The following KPNA4 variants were observed in gnomAD, a reference collection of about 807,000 sequenced individuals.
The protein encoded by KPNA4 is importin subunit alpha-3.
A neutral mutation model predicts 71.3 loss-of-function variants in KPNA4; 13 were observed. The ratio of observed to expected loss-of-function variants is 0.18; its 90% CI spans 0.12 to 0.29. The LOEUF (loss-of-function observed/expected upper bound fraction) is 0.29, where lower values mean the gene tolerates loss of function less well. Among genes scored for constraint, KPNA4 ranks in the 10% least tolerant of loss-of-function variants. KPNA4 has a pLI of 1.00. For synonymous variants in KPNA4, 189 were observed against 195.2 expected (o/e 0.97, Z 0.26); for missense variants, 334 against 603.2 (o/e 0.55, Z 4.67).
chr3:160,548,136 C>T (rs1721961487), intron 1 of KPNA4, among the ~76,000 whole-genome samples: 1 of 152,102 alleles, frequency 6.6e-6, no homozygotes, highest in South Asian at 2.1e-4. Context: ...TTTGCCTTCC[C>T]AACCAACAAT....
intron 11 of KPNA4, among the ~76,000 whole-genome samples, chr3:160,520,549 C>T (rs74285275): frequency 0.023 from 3,464 of 152,148 alleles, 74 homozygotes; most frequent in East Asian, 0.084. Flanking sequence ...GCGTGAGCCA[C>T]CATGTCCAGC....
intron 1 of KPNA4, among the ~76,000 whole-genome samples, chr3:160,548,214 T>G (rs1206475303): frequency 1.3e-5 from 2 of 152,206 alleles, no homozygotes; most frequent in Non-Finnish European, 2.9e-5. Context: ...GGGTTTTTTT[T>G]TGTTGTTGTT....
At chr3:160,508,789 G>C (rs1032534300) in intron 14 of KPNA4, among the ~76,000 whole-genome samples, 1 of 151,936 alleles carries the variant, frequency 6.6e-6, no homozygotes, top group Non-Finnish European at 1.5e-5. Flanking sequence ...CAAAATGCTA[G>C]GATTACATGC....
At chr3:160,507,475 G>C (rs1391850494) in intron 15 of KPNA4, among the ~76,000 whole-genome samples, 4 of 148,306 alleles carry the variant, frequency 2.7e-5, no homozygotes, top group Non-Finnish European at 5.9e-5. Context: ...ACTCCAGCCT[G>C]GGCAACAGAG....
chr3:160,519,968 A>AT (rs1721312644), intron 11 of KPNA4, among the ~76,000 whole-genome samples: 2 of 152,164 alleles, frequency 1.3e-5, no homozygotes, highest in Admixed American at 1.3e-4. Flanking sequence ...TTATGGCATG[A>AT]AAGTTGAAAA....
chr3:160,517,090 A>C (rs1577049711), intron 11 of KPNA4, among the ~76,000 whole-genome samples: 1 of 151,970 alleles, frequency 6.6e-6, no homozygotes, highest in African/African-American at 2.4e-5. Flanking sequence ...TGATCACCCC[A>C]AAAAGAACAC....
chr3:160,517,455 T>C (rs1051138102), intron 11 of KPNA4, among the ~76,000 whole-genome samples: 1 of 152,128 alleles, frequency 6.6e-6, no homozygotes, highest in Admixed American at 6.5e-5. Context: ...ATATGCATTT[T>C]CATTTCTCTT....
At chr3:160,552,974 T>C (rs934964969) in intron 1 of KPNA4, among the ~76,000 whole-genome samples, 1 of 151,922 alleles carries the variant, frequency 6.6e-6, no homozygotes, top group Non-Finnish European at 1.5e-5. Flanking sequence ...GAGGTGAGAA[T>C]TGATTTACTT....
intron 1 of KPNA4, among the ~76,000 whole-genome samples, chr3:160,562,794 A>T (rs1354217252): frequency 6.6e-6 from 1 of 152,192 alleles, no homozygotes; most frequent in Non-Finnish European, 1.5e-5. Context: ...TTCTAAACAA[A>T]ACAAAACAAA....
At position 160,515,396 on chromosome 3, in the gene KPNA4, T is replaced by C. The variant is rs1448741351; in HGVS notation, c.1032+56A>G. ...ATTTCTAAGACTCTAATTTTACAAA[T>C]AGAAACTGTTAACATTTTAAGTGCT... On this transcript the variant is annotated intron_variant, in intron 12 of 16. Coordinates refer to ENST00000334256, the MANE Select transcript of KPNA4 (RefSeq NM_002268.5). The C allele has an allele frequency of 4.9e-6, 7 of 1,430,886 alleles. No homozygotes were observed. The Admixed American group carries it at 6.2e-5, about 13-fold the overall frequency. The allele number at this position is 1,430,886 out of a possible 1,614,324, so 88.6% of individuals were successfully genotyped here.
intron 1 of KPNA4, among the ~76,000 whole-genome samples, chr3:160,563,971 A>G (rs1722291843): frequency 6.8e-6 from 1 of 147,312 alleles, no homozygotes; most frequent in South Asian, 2.1e-4. Flanking sequence ...AAAAGCCCAA[A>G]AAATATCTCA....
intron 11 of KPNA4, among the ~76,000 whole-genome samples, chr3:160,520,897 C>G (rs1721334874): frequency 6.6e-6 from 1 of 152,178 alleles, no homozygotes; most frequent in South Asian, 2.1e-4. Flanking sequence ...GAGCTTGCTG[C>G]GTCTCCCCCA....
Position 160,496,943 on chromosome 3 carries a change from T to A in KPNA4, c.*5161A>T, listed in dbSNP as rs1254190113. 1 of 152,216 alleles carries A rather than the reference T, an allele frequency of 6.6e-6. No individual in the cohort carries two copies. Among genetic ancestry groups the A allele is most frequent in the African/African-American group, 2.4e-5 (1 of 41,454 alleles). 9.4% of individuals were successfully genotyped at this position (152,216 alleles called of 1,614,324 possible). On this transcript the variant is annotated 3_prime_UTR_variant, in exon 17 of 17. Transcript: ENST00000334256. The stretch of plus-strand genomic sequence containing the variant: ...AAGGGCCTGGATTTAAAAGGAATTT[T>A]CAAGATTATTGTTAACTTCTGGGTT...
chr3:160,496,511 T>A lies in KPNA4; in HGVS notation c.*5593A>T, dbSNP rs920692471. 1.3e-5 allele frequency: 2 copies of A among 152,292 alleles called. No homozygotes were observed. Among genetic ancestry groups the A allele is most frequent in the Admixed American group, 6.5e-5 (1 of 15,306 alleles). The allele number at this position is 152,292 out of a possible 1,614,324, so 9.4% of individuals were successfully genotyped here. A position where few individuals can be genotyped will look rare whatever the true frequency, so the allele number is the denominator to read the frequency against. Reference sequence around the variant, plus strand: ...CTTGGGTAATATTAGAGTAACATAGTCTAGGATAGGAATCCATCAGTTATG... The same window carrying A: ...CTTGGGTAATATTAGAGTAACATAGACTAGGATAGGAATCCATCAGTTATG... On this transcript the variant is annotated 3_prime_UTR_variant, in exon 17 of 17. Transcript: ENST00000334256.
At chr3:160,511,683 T>C (rs759905512) in intron 13 of KPNA4, among the ~76,000 whole-genome samples, 17 of 150,692 alleles carry the variant, frequency 1.1e-4, no homozygotes, top group South Asian at 4.2e-4. Context: ...TCAGTAGTCA[T>C]GTTGTCAGGG....
At chr3:160,563,861 A>AACC (rs1232916024) in intron 1 of KPNA4, among the ~76,000 whole-genome samples, 1 of 152,202 alleles carries the variant, frequency 6.6e-6, no homozygotes, top group African/African-American at 2.4e-5. Context: ...ACCTTAAAAG[A>AACC]ACCACAGAAT....
intron 14 of KPNA4, among the ~76,000 whole-genome samples, 193 bp from the exon 15 acceptor site, chr3:160,508,462 G>GA (rs1315501039): frequency 1.3e-5 from 2 of 151,340 alleles, no homozygotes; most frequent in African/African-American, 4.9e-5. Flanking sequence ...CCCGAACTTA[G>GA]AAAAAAACAA....
At chr3:160,520,270 T>C (rs1308193981) in intron 11 of KPNA4, among the ~76,000 whole-genome samples, 1 of 151,958 alleles carries the variant, frequency 6.6e-6, no homozygotes, top group Non-Finnish European at 1.5e-5. Context: ...TTTTTTTTAT[T>C]GAGATGGAGT....
Position 160,550,558 on chromosome 3 carries a change from A to G in KPNA4, c.70-13718T>C, listed in dbSNP as rs577695836. Among the ~76,000 whole-genome samples the G allele has an allele frequency of 5.9e-5, 9 of 152,308 alleles. No homozygotes were observed. The South Asian group carries it at 1.9e-3, about 32-fold the overall frequency. On this transcript the variant is annotated intron_variant, in intron 1 of 16. Transcript: ENST00000334256. The stretch of plus-strand genomic sequence containing the variant: ...ACTGGACTTATATGCATGAGCCAGC[A>G]CACACCGCCACTGCCTTATTTCTGA...
Sources: gnomAD v4.1 joint callset for allele counts (sites outside exome capture counted in the v4.1 genomes callset) on GRCh38, gnomAD v4.1.1 for gene constraint, MANE v1.5 for transcripts, NCBI Gene and HGNC (gene_info 2026-07-23, HGNC 2026-07-21) for gene names.